MMP16: variants seen among roughly 807,000 people sequenced by gnomAD.
The protein encoded by MMP16 is matrix metallopeptidase 16.
Under a neutral mutation model 67.8 loss-of-function variants are expected in MMP16, and 12 were observed. That is an observed-to-expected ratio of 0.18 (90% CI 0.11 to 0.29). MMP16 has a LOEUF of 0.29. MMP16 is among the 10% of genes least tolerant of loss of function. The pLI, the probability that MMP16 is intolerant of heterozygous loss-of-function variation, is 1.00. For missense variants in MMP16, 475 were observed against 765.7 expected, an observed-to-expected ratio of 0.62 and a Z score of 4.48; for synonymous variants, 249 against 255.9, an observed-to-expected ratio of 0.97 and a Z score of 0.26.
chr8:88,254,083 G>A (rs1436194135), intron 1 of MMP16, among the ~76,000 whole-genome samples: 1 of 152,064 alleles, frequency 6.6e-6, no homozygotes, highest in South Asian at 2.1e-4. Flanking sequence ...ATGATAGACT[G>A]GATAAAGAAA....
chr8:88,051,287 T>C (rs925910403), intron 8 of MMP16, among the ~76,000 whole-genome samples: 2 of 152,170 alleles, frequency 1.3e-5, no homozygotes, highest in East Asian at 3.9e-4. Context: ...AGCTTATAGA[T>C]GCATTGAGAA....
chr8:88,122,539 T>C (rs1380332429), intron 4 of MMP16, among the ~76,000 whole-genome samples: 1 of 151,932 alleles, frequency 6.6e-6, no homozygotes, highest in Admixed American at 6.6e-5. Flanking sequence ...TTTAAATATA[T>C]AAATACTTAA....
intron 4 of MMP16, among the ~76,000 whole-genome samples, chr8:88,166,548 T>C (rs1808713464): frequency 6.6e-6 from 1 of 150,924 alleles, no homozygotes; most frequent in Non-Finnish European, 1.5e-5. Context: ...AGAAAACTGA[T>C]GGATAGTTAG....
chr8:88,275,444 T>C lies in MMP16; in HGVS notation c.132+51631A>G, dbSNP rs189396428. Among the ~76,000 whole-genome samples the C allele has an allele frequency of 2.4e-3, 359 of 152,048 alleles. 2 individuals are homozygous for C. In the Middle Eastern group the frequency reaches 0.027, roughly 12 times the overall value. On this transcript the variant is annotated intron_variant, in intron 1 of 9. Transcript: ENST00000286614. ...TAATGACTTTAGTTCCAATATAGCT[T>C]AGCCATTTTTTTCAGGATCCCTTTC...
chr8:88,239,658 C>T (rs936022888), intron 1 of MMP16, among the ~76,000 whole-genome samples: 25 of 151,840 alleles, frequency 1.6e-4, no homozygotes, highest in Admixed American at 6.6e-5. Flanking sequence ...TTCATCTAAG[C>T]GTCTTATGTT....
intron 8 of MMP16, among the ~76,000 whole-genome samples, chr8:88,048,705 C>T (rs1458437073): frequency 2.0e-5 from 3 of 152,216 alleles, no homozygotes; most frequent in African/African-American, 4.8e-5. Context: ...AAATACGTTT[C>T]CCAATTTTAT....
rs545384414 is a variant in MMP16, at chr8:88,134,754, C to T, written c.710-15893G>A. ...GTACCCATCCCTTATTTTTTTTCTACTACCTTGCTTGGCTAGACATGTGTG... is the reference window on the plus strand; with the variant it reads ...GTACCCATCCCTTATTTTTTTTCTATTACCTTGCTTGGCTAGACATGTGTG... On this transcript the variant is annotated intron_variant, in intron 4 of 9. Transcript: ENST00000286614. 4.0e-5 allele frequency among the ~76,000 whole-genome samples: 6 copies of T among 151,498 alleles called. No individual in the cohort carries two copies. In the South Asian group the frequency reaches 1.2e-3, roughly 31 times the overall value.
intron 4 of MMP16, among the ~76,000 whole-genome samples, chr8:88,140,885 G>A (rs1316096446): frequency 6.6e-6 from 1 of 151,810 alleles, no homozygotes; most frequent in Admixed American, 6.6e-5. Context: ...ATTACAATAG[G>A]GAAAATTTAA....
chr8:88,171,180 C>T (rs919535061), intron 3 of MMP16, among the ~76,000 whole-genome samples: 3 of 152,000 alleles, frequency 2.0e-5, no homozygotes, highest in African/African-American at 4.8e-5. Flanking sequence ...GACAACACAT[C>T]GCTGTGTTTT....
At chr8:88,140,872 C>T (rs1459040707) in intron 4 of MMP16, among the ~76,000 whole-genome samples, 2 of 152,102 alleles carry the variant, frequency 1.3e-5, no homozygotes, top group Admixed American at 6.6e-5. Flanking sequence ...ATGTATTCTA[C>T]ATATTACAAT....
chr8:88,249,114 T>G (rs578154587), intron 1 of MMP16, among the ~76,000 whole-genome samples: 6 of 151,824 alleles, frequency 4.0e-5, no homozygotes, highest in Admixed American at 2.6e-4. Context: ...TAGGGGACAC[T>G]GAGCTGGAAA....
At chr8:88,100,321 T>C (rs770898831) in intron 6 of MMP16, among the ~76,000 whole-genome samples, 2 of 151,960 alleles carry the variant, frequency 1.3e-5, no homozygotes, top group Admixed American at 6.6e-5. Flanking sequence ...GCAAAGGATA[T>C]GAACAGATGA....
chr8:88,074,822 T>G, intron 6 of MMP16, 79 bp from the exon 7 acceptor site: 2 of 1,492,940 alleles, frequency 1.3e-6, no homozygotes. Context: ...TGGACGCTTT[T>G]GAAATCAAGC....
rs1400386204 is a variant in MMP16, at chr8:88,033,061, T to C, written c.*8400A>G. The C allele has an allele frequency of 6.6e-6, 1 of 152,004 alleles. No homozygotes were observed. Among genetic ancestry groups the C allele is most frequent in the Non-Finnish European group, 1.5e-5 (1 of 67,920 alleles). 9.4% of individuals were successfully genotyped at this position (152,004 alleles called of 1,614,324 possible). A position where few individuals can be genotyped will look rare whatever the true frequency, so the allele number is the denominator to read the frequency against. ...AGTTTAATGTTATTTAAATAAAGTC[T>C]GTATTAATTTTAATTCTTTTACTTT... is the stretch of plus-strand genomic sequence containing the variant. On this transcript the variant is annotated 3_prime_UTR_variant, in exon 10 of 10. Coordinates refer to ENST00000286614, the MANE Select transcript of MMP16 (RefSeq NM_005941.5).
intron 1 of MMP16, among the ~76,000 whole-genome samples, chr8:88,264,031 CACATATATAT>C (rs1276867978): frequency 0.023 from 938 of 40,340 alleles, 7 homozygotes; most frequent in Non-Finnish European, 0.037. Flanking sequence ...ACAAAAATGG[CACATATATAT>C]ATATATATAT....
At chr8:88,166,149 T>C (rs1808707147) in intron 4 of MMP16, among the ~76,000 whole-genome samples, 1 of 152,104 alleles carries the variant, frequency 6.6e-6, no homozygotes, top group Non-Finnish European at 1.5e-5. Flanking sequence ...GGCTATTAAT[T>C]ACACTAATCC....
intron 8 of MMP16, among the ~76,000 whole-genome samples, chr8:88,052,069 C>T (rs1298790809): frequency 1.3e-5 from 2 of 152,138 alleles, no homozygotes; most frequent in Non-Finnish European, 2.9e-5. Context: ...TAGAAGATTT[C>T]ACATGGACTC....
intron 7 of MMP16, among the ~76,000 whole-genome samples, chr8:88,061,127 TACACACACACACACAC>T (rs149547108): frequency 2.2e-4 from 31 of 143,142 alleles, no homozygotes; most frequent in Non-Finnish European, 3.5e-4. Flanking sequence ...CTGAATATTA[TACACACACACACACAC>T]ACACACACAC....
At chr8:88,258,584 C>A (rs1187661285) in intron 1 of MMP16, among the ~76,000 whole-genome samples, 1 of 152,138 alleles carries the variant, frequency 6.6e-6, no homozygotes, top group Non-Finnish European at 1.5e-5. Flanking sequence ...ACAAAGTAGG[C>A]CTTTTAAGCA....
Sources: allele counts gnomAD v4.1 joint callset (sites outside exome capture counted in the v4.1 genomes callset), GRCh38; gene constraint gnomAD v4.1.1; transcripts MANE v1.5; gene names NCBI Gene and HGNC (gene_info 2026-07-23, HGNC 2026-07-21).